The following AFG2A variants were observed in gnomAD, a reference collection of about 807,000 sequenced individuals.
The protein encoded by AFG2A is AAA ATPase AFG2A.
At chr4:123,071,709 G>A in the AFG2A span, among the ~76,000 whole-genome samples, 6 of 151,950 alleles carry the variant, frequency 3.9e-5, no homozygotes, top group Non-Finnish European at 1.5e-5. Context: ...AGCTGACAAA[G>A]GTAACTTGTG....
the AFG2A span, among the ~76,000 whole-genome samples, chr4:123,157,977 G>T: frequency 6.6e-6 from 1 of 152,028 alleles, no homozygotes; most frequent in Admixed American, 6.6e-5. Context: ...TTCCCCATAC[G>T]CACATATACC....
chr4:123,180,807 C>A, the AFG2A span, among the ~76,000 whole-genome samples: 2 of 151,776 alleles, frequency 1.3e-5, no homozygotes, highest in South Asian at 4.2e-4. Flanking sequence ...GGGTAATATT[C>A]TTTTTATTTT....
the AFG2A span, among the ~76,000 whole-genome samples, chr4:122,976,500 G>A: frequency 1.3e-5 from 2 of 152,024 alleles, no homozygotes; most frequent in South Asian, 4.2e-4. Context: ...TTTATTCTAC[G>A]TCATCCTAGT....
chr4:123,014,432 A>G, the AFG2A span, among the ~76,000 whole-genome samples: 92 of 152,198 alleles, frequency 6.0e-4, 2 homozygotes, highest in East Asian at 9.5e-3. Flanking sequence ...TGACAAAAGT[A>G]GGTAGTTTTT....
the AFG2A span, among the ~76,000 whole-genome samples, chr4:123,207,074 T>C: frequency 6.6e-6 from 1 of 152,162 alleles, no homozygotes; most frequent in African/African-American, 2.4e-5. Flanking sequence ...TTTTAATTTA[T>C]ATTAGAGAGG....
chr4:123,052,421 C>G, the AFG2A span, among the ~76,000 whole-genome samples: 2 of 152,216 alleles, frequency 1.3e-5, no homozygotes, highest in Admixed American at 1.3e-4. Context: ...TGAAAGGTCA[C>G]ATATCTCTAT....
the AFG2A span, among the ~76,000 whole-genome samples, chr4:123,154,997 C>T: frequency 6.6e-6 from 1 of 152,120 alleles, no homozygotes; most frequent in Non-Finnish European, 1.5e-5. Context: ...CCCTCCCTCT[C>T]TGCCCCTCCT....
the AFG2A span, among the ~76,000 whole-genome samples, chr4:123,266,711 T>G: frequency 0.035 from 5,325 of 152,042 alleles, 124 homozygotes; most frequent in African/African-American, 0.052. Context: ...TTTTACACTT[T>G]CAAATGTGTA....
the AFG2A span, among the ~76,000 whole-genome samples, chr4:123,185,753 G>C: frequency 6.6e-6 from 1 of 151,954 alleles, no homozygotes; most frequent in Non-Finnish European, 1.5e-5. Context: ...CTGTTCCATT[G>C]TTATCAAAAT....
At chr4:123,265,945 T>C in the AFG2A span, among the ~76,000 whole-genome samples, 1 of 152,056 alleles carries the variant, frequency 6.6e-6, no homozygotes, top group Non-Finnish European at 1.5e-5. Context: ...TAATCTGTGC[T>C]TCCTCATCTT....
the AFG2A span, among the ~76,000 whole-genome samples, chr4:123,265,308 G>A: frequency 2.6e-5 from 4 of 152,016 alleles, no homozygotes; most frequent in African/African-American, 9.7e-5. Flanking sequence ...TACAGCAGCC[G>A]ACTTTTTCCT....
the AFG2A span, among the ~76,000 whole-genome samples, chr4:123,127,453 C>A: frequency 6.6e-6 from 1 of 152,116 alleles, no homozygotes; most frequent in African/African-American, 2.4e-5. Flanking sequence ...AGGACACAAG[C>A]TGTACTTTAT....
the AFG2A span, among the ~76,000 whole-genome samples, chr4:122,946,329 A>T: frequency 6.6e-6 from 1 of 152,244 alleles, no homozygotes; most frequent in African/African-American, 2.4e-5. Flanking sequence ...TGCCACTGGG[A>T]TAAGCCTGTT....
the AFG2A span, chr4:122,929,037 C>T: frequency 6.2e-7 from 1 of 1,610,998 alleles, no homozygotes. Context: ...CTCTGTCTGG[C>T]AGGTGTATAC....
At chr4:123,037,179 T>C in the AFG2A span, among the ~76,000 whole-genome samples, 1 of 151,946 alleles carries the variant, frequency 6.6e-6, no homozygotes, top group African/African-American at 2.4e-5. Context: ...CCAGTAGTGA[T>C]TAAAGGGGCA....
chr4:123,183,644 A>G, the AFG2A span, among the ~76,000 whole-genome samples: 3 of 152,246 alleles, frequency 2.0e-5, no homozygotes, highest in African/African-American at 7.2e-5. Context: ...TCATTTGGCA[A>G]AAACTATTTA....
the AFG2A span, among the ~76,000 whole-genome samples, chr4:123,191,374 T>G: frequency 2.2e-5 from 3 of 138,704 alleles, no homozygotes; most frequent in African/African-American, 7.8e-5. Flanking sequence ...TTTTTTTTTT[T>G]GGCAACTACC....
the AFG2A span, among the ~76,000 whole-genome samples, chr4:122,974,471 A>T: frequency 6.6e-6 from 1 of 152,188 alleles, no homozygotes; most frequent in Non-Finnish European, 1.5e-5. Flanking sequence ...ACTGTTTGAT[A>T]CAACATGGCA....
chr4:123,303,766 A>G, the AFG2A span, among the ~76,000 whole-genome samples: 2 of 151,988 alleles, frequency 1.3e-5, no homozygotes, highest in Non-Finnish European at 2.9e-5. Flanking sequence ...GTCTTCAACA[A>G]AAACAAACAA....
Sources: gnomAD v4.1 joint callset for allele counts (sites outside exome capture counted in the v4.1 genomes callset) on GRCh38, gnomAD v4.1.1 for gene constraint, MANE v1.5 for transcripts, NCBI Gene and HGNC (gene_info 2026-07-23, HGNC 2026-07-21) for gene names.